The following SERPINB10 variants were observed in gnomAD, a reference collection of about 807,000 sequenced individuals.
SERPINB10 encodes the protein serpin family B member 10, also known as serpin B10.
Under a neutral mutation model 39.1 loss-of-function variants are expected in SERPINB10, and 35 were observed. The ratio of observed to expected loss-of-function variants is 0.90; its 90% CI spans 0.68 to 1.19. SERPINB10 has a LOEUF of 1.19. Among genes scored for constraint, SERPINB10 ranks in the 50% most tolerant of loss-of-function variants. The pLI is 0.00. For synonymous variants in SERPINB10, 190 were observed against 158.1 expected (o/e 1.20, Z -1.52); for missense variants, 546 against 460.5 (o/e 1.19, Z -1.70).
chr18:63,915,624 C>G lies in SERPINB10; in HGVS notation c.114C>G (p.Ser38=). 1.9e-6 allele frequency: 3 copies of G among 1,612,730 alleles called. No individual in the cohort carries two copies. The highest frequency in any genetic ancestry group is 2.5e-6 in the Non-Finnish European group (3 of 1,179,192). The change falls in exon 2 of 8, where the codon TCC becomes TCG. Residue 38 remains serine (S), a synonymous_variant. Transcript: ENST00000238508. Reference sequence around the variant, plus strand: ...TTTCTTCCTGGAGCATCTCAACTTCCTTGACCATAGTGTATTTGGGCGCCA... The same window carrying G: ...TTTCTTCCTGGAGCATCTCAACTTCGTTGACCATAGTGTATTTGGGCGCCA... ...IFFSSWSIST[S]LTIVYLGAKG...
intron 5 of SERPINB10, among the ~76,000 whole-genome samples, chr18:63,928,731 T>A (rs867912182): frequency 2.0e-5 from 3 of 151,922 alleles, no homozygotes; most frequent in South Asian, 4.1e-4. Flanking sequence ...TGAGCAGTGG[T>A]TTGTAGTTCT....
intron 5 of SERPINB10, among the ~76,000 whole-genome samples, chr18:63,928,261 C>T (rs966860226): frequency 1.3e-5 from 2 of 151,960 alleles, no homozygotes; most frequent in South Asian, 2.1e-4. Flanking sequence ...CTGGGTTGGC[C>T]AAGAGGTTCT....
chr18:63,933,636 G>A (rs1045897137), intron 7 of SERPINB10, among the ~76,000 whole-genome samples: 32 of 152,150 alleles, frequency 2.1e-4, no homozygotes, highest in Non-Finnish European at 5.9e-5. Flanking sequence ...ACACACGTAC[G>A]CAGACATCAA....
rs953063771 is a variant in SERPINB10 at position 63,915,829 on chromosome 18, A to G, written c.168+151A>G. On this transcript the variant is annotated intron_variant, in intron 2 of 7. Transcript: ENST00000238508. ...CATACATTAAAACATTCTATACCATAAAACAAATCTTGGTAAAGAGAATCA... is the reference window on the plus strand; with the variant it reads ...CATACATTAAAACATTCTATACCATGAAACAAATCTTGGTAAAGAGAATCA... The G allele has an allele frequency of 9.0e-6, 6 of 664,246 alleles. No individual in the cohort carries two copies. In the South Asian group the frequency reaches 1.1e-4, roughly 13 times the overall value. The allele number at this position is 664,246 out of a possible 1,614,324, so 41.1% of individuals were successfully genotyped here.
At position 63,935,258 on chromosome 18, in the gene SERPINB10, C is replaced by A; in HGVS notation, c.*16C>A. ...CTCCCCCTAAATCCTGCATATCTCT[C>A]AACAAACAAGACCATCTTACAGTGT... On this transcript the variant is annotated 3_prime_UTR_variant, in exon 8 of 8. Transcript: ENST00000238508. 1 of 1,540,478 alleles carries A rather than the reference C, an allele frequency of 6.5e-7. No homozygotes were observed. Among genetic ancestry groups the A allele is most frequent in the South Asian group, 1.3e-5 (1 of 79,654 alleles).
chr18:63,929,318 T>C (rs1385341564), intron 5 of SERPINB10, among the ~76,000 whole-genome samples: 1 of 152,104 alleles, frequency 6.6e-6, no homozygotes, highest in Non-Finnish European at 1.5e-5. Flanking sequence ...TGGCAGGAGT[T>C]TAAATGCCAC....
intron 5 of SERPINB10, 75 bp from the exon 6 acceptor site, chr18:63,929,970 T>C (rs1344685989): frequency 2.2e-5 from 32 of 1,472,670 alleles, no homozygotes; most frequent in African/African-American, 2.9e-5. Flanking sequence ...CCAGAAAAAA[T>C]AGAAGCCTGG....
intron 7 of SERPINB10, among the ~76,000 whole-genome samples, chr18:63,934,339 T>C (rs1331744090): frequency 6.7e-6 from 1 of 150,116 alleles, no homozygotes; most frequent in Non-Finnish European, 1.5e-5. Context: ...ATTTGGAGGA[T>C]TTTCTTATCT....
At chr18:63,928,960 C>A (rs1026005630) in intron 5 of SERPINB10, among the ~76,000 whole-genome samples, 1 of 152,174 alleles carries the variant, frequency 6.6e-6, no homozygotes, top group Admixed American at 6.5e-5. Flanking sequence ...CCTATGTGAA[C>A]TTTCCATGTT....
At chr18:63,911,394 A>G (rs573688522) in intron 1 of SERPINB10, among the ~76,000 whole-genome samples, 2 of 150,532 alleles carry the variant, frequency 1.3e-5, no homozygotes, top group Non-Finnish European at 3.0e-5. Flanking sequence ...TTTTTTTTCT[A>G]GGATTCTGAT....
intron 1 of SERPINB10, among the ~76,000 whole-genome samples, chr18:63,911,854 G>A (rs2050067146): frequency 6.6e-6 from 1 of 151,930 alleles, no homozygotes; most frequent in African/African-American, 2.4e-5. Flanking sequence ...TCCATCCGAG[G>A]TTTGCCTTCG....
Position 63,935,017 on chromosome 18 carries a change from A to C in SERPINB10, c.969A>C (p.Ser323=). The C allele has an allele frequency of 1.2e-6, 2 of 1,614,244 alleles. No individual in the cohort carries two copies. The highest frequency in any genetic ancestry group is 1.7e-6 in the Non-Finnish European group (2 of 1,180,044). Residue 323 remains serine, a synonymous_variant, in exon 8 of 8, where the codon TCA becomes TCC. Coordinates refer to ENST00000238508, the MANE Select transcript of SERPINB10 (RefSeq NM_005024.3). The stretch of plus-strand genomic sequence containing the variant: ...TCAGCCAAAGCAAAGCTGATTTCTC[A>C]GGAATGTCTTCAGCAAGAAACCTAT... The part of the protein sequence containing the change: ...DAFSQSKADF[S]GMSSARNLFL...
chr18:63,935,424 A>G lies in SERPINB10; in HGVS notation c.*182A>G, dbSNP rs1456565904. 1 of 559,012 alleles carries G rather than the reference A, an allele frequency of 1.8e-6. No homozygotes were observed. Among genetic ancestry groups the G allele is most frequent in the Non-Finnish European group, 3.0e-6 (1 of 338,442 alleles). The allele number at this position is 559,012 out of a possible 1,614,324, so 34.6% of individuals were successfully genotyped here. ...TCCTGTCATATCTGTACAGCTGGAGAGAATGACGATTTTTATTTTTAACAC... is the reference window on the plus strand; with the variant it reads ...TCCTGTCATATCTGTACAGCTGGAGGGAATGACGATTTTTATTTTTAACAC... On this transcript the variant is annotated 3_prime_UTR_variant, in exon 8 of 8. Coordinates refer to ENST00000238508, the MANE Select transcript of SERPINB10 (RefSeq NM_005024.3).
chr18:63,923,331 T>TA (rs2050159254), intron 5 of SERPINB10, among the ~76,000 whole-genome samples: 1 of 152,002 alleles, frequency 6.6e-6, no homozygotes, highest in South Asian at 2.1e-4. Context: ...TTTAGGAACT[T>TA]AGACTTTGTC....
chr18:63,929,725 A>G (rs200485923), intron 5 of SERPINB10, among the ~76,000 whole-genome samples: 34 of 79,070 alleles, frequency 4.3e-4, no homozygotes, highest in African/African-American at 1.4e-3. Context: ...AAAAAAAAAA[A>G]AAAAAAAAGA....
chr18:63,925,217 T>C (rs1230993952), intron 5 of SERPINB10, among the ~76,000 whole-genome samples: 1 of 151,968 alleles, frequency 6.6e-6, no homozygotes, highest in Non-Finnish European at 1.5e-5. Context: ...TCAATATATA[T>C]GCAGAAAGAT....
chr18:63,933,156 C>A lies in SERPINB10; in HGVS notation c.742C>A (p.Leu248Ile). Residue 248 changes from leucine to isoleucine, a missense_variant, in exon 7 of 8, where the codon CTC becomes ATC. By Grantham distance (5) the Leu-to-Ile change is conservative. Coordinates refer to ENST00000238508, the MANE Select transcript of SERPINB10 (RefSeq NM_005024.3). ...TCAACTCTACTACAAAAGCCGTGAC[C>A]TCAGCCTGCTTATACTACTGCCAGA... is the stretch of plus-strand genomic sequence containing the variant. The part of the protein sequence containing the change: ...GLQLYYKSRD[L>I]SLLILLPEDI... 1.9e-6 allele frequency: 3 copies of A among 1,613,988 alleles called. No homozygotes were observed. The highest frequency in any genetic ancestry group is 2.5e-6 in the Non-Finnish European group (3 of 1,179,920).
At chr18:63,925,277 A>G (rs556576214) in intron 5 of SERPINB10, among the ~76,000 whole-genome samples, 1 of 152,128 alleles carries the variant, frequency 6.6e-6, no homozygotes, top group Admixed American at 6.6e-5. Context: ...TATAATGCAT[A>G]CATTTCCTAG....
chr18:63,930,180 T>C lies in SERPINB10; in HGVS notation c.626T>C (p.Ile209Thr). 4.3e-6 allele frequency: 7 copies of C among 1,612,342 alleles called. No individual in the cohort carries two copies. Among genetic ancestry groups the C allele is most frequent in the Non-Finnish European group, 5.9e-6 (7 of 1,179,252 alleles). Residue 209 changes from isoleucine (I) to threonine (T), a missense_variant, in exon 6 of 8, where the codon ATA becomes ACA. Ile to Thr is a moderately conservative substitution (Grantham distance 89, BLOSUM62 -1). Transcript: ENST00000238508. ...AACACCACAGAAAAGCCTTTTAGAATAAACGAGGTAGGAAATTTTTAAAGA... is the reference window on the plus strand; with the variant it reads ...AACACCACAGAAAAGCCTTTTAGAACAAACGAGGTAGGAAATTTTTAAAGA... ...VQNTTEKPFR[I>T]NETTSKPVQM...
Sources: allele counts gnomAD v4.1 joint callset (sites outside exome capture counted in the v4.1 genomes callset), GRCh38; gene constraint gnomAD v4.1.1; transcripts MANE v1.5; gene names NCBI Gene and HGNC (gene_info 2026-07-23, HGNC 2026-07-21).